Variants in ZNF141 observed in about 807,000 individuals in gnomAD.
The protein encoded by ZNF141 is zinc finger protein 141 (clone pHZ-44).
ZNF141 carries 7 observed loss-of-function variants against 11.3 expected under a neutral mutation model. That is an observed-to-expected ratio of 0.62 (90% CI 0.35 to 1.16). ZNF141 has a LOEUF of 1.16. ZNF141 is among the 50% of genes most tolerant of loss of function. ZNF141 has a pLI of 0.02. For synonymous variants in ZNF141, 183 were observed against 190.7 expected, an observed-to-expected ratio of 0.96 and a Z score of 0.33; for missense variants, 535 against 554.0, an observed-to-expected ratio of 0.97 and a Z score of 0.34.
intron 3 of ZNF141, among the ~76,000 whole-genome samples, chr4:363,952 G>A (rs530533370): frequency 6.8e-6 from 1 of 148,000 alleles, no homozygotes; most frequent in Non-Finnish European, 1.5e-5. Context: ...AGACAATCAT[G>A]TGGTTTTTGT....
chr4:366,083 C>T (rs1288458290), intron 3 of ZNF141, among the ~76,000 whole-genome samples: 2 of 152,072 alleles, frequency 1.3e-5, no homozygotes, highest in Non-Finnish European at 2.9e-5. Flanking sequence ...CAGCTTGATT[C>T]TTTTTGCCCA....
chr4:371,686 C>T (rs1560197962), intron 3 of ZNF141, among the ~76,000 whole-genome samples: 1 of 151,982 alleles, frequency 6.6e-6, no homozygotes, highest in South Asian at 2.1e-4. Flanking sequence ...ACTACAGGCA[C>T]CCATCACCAC....
chr4:344,451 G>A (rs1553849163), intron 3 of ZNF141, 21 bp downstream of exon 3: 3 of 1,595,184 alleles, frequency 1.9e-6, no homozygotes. Context: ...GTGAATGGAG[G>A]AGAGGGCACA....
chr4:359,638 G>A (rs918686423), intron 3 of ZNF141, among the ~76,000 whole-genome samples: 3 of 152,118 alleles, frequency 2.0e-5, no homozygotes, highest in Non-Finnish European at 4.4e-5. Context: ...CACAATTCAC[G>A]GTGGGAATAA....
At position 381,666 on chromosome 4, in the gene ZNF141, C is replaced by T. The variant is rs1371986604; in HGVS notation, c.*7804C>T. Among the ~76,000 whole-genome samples, 2 of 151,944 alleles carry T rather than the reference C, an allele frequency of 1.3e-5. No homozygotes were observed. Among genetic ancestry groups the T allele is most frequent in the African/African-American group, 4.8e-5 (2 of 41,336 alleles). Reference sequence around the variant, plus strand: ...CTTAAGTGATCCACCCAGTCAGCCTCCCAAAGTGCTGGGATTACAGGCGTG... The same window carrying T: ...CTTAAGTGATCCACCCAGTCAGCCTTCCAAAGTGCTGGGATTACAGGCGTG... On this transcript the variant is annotated 3_prime_UTR_variant, in exon 4 of 4. Transcript: ENST00000240499.
rs1560196731 is a variant in ZNF141 at position 369,751 on chromosome 4, TATATATATATATA to T, written c.227-2912_227-2900del. ...TTTCTTAAAGAGATATATATATATA[TATATATATATATA>T]TTTTTTTTTTTTTTTTTTTTGAGAG... is the stretch of plus-strand genomic sequence containing the variant. On this transcript the variant is annotated intron_variant, in intron 3 of 3. Coordinates refer to ENST00000240499, the MANE Select transcript of ZNF141 (RefSeq NM_003441.4). 1.9e-4 allele frequency among the ~76,000 whole-genome samples: 8 copies of T among 42,852 alleles called. 1 individual carries two copies. Among genetic ancestry groups the T allele is most frequent in the African/African-American group, 3.6e-4 (4 of 11,214 alleles). The allele number at this position is 42,852 out of a possible 152,430, so 28.1% of individuals were successfully genotyped here.
chr4:363,233 G>A (rs1711572441), intron 3 of ZNF141, among the ~76,000 whole-genome samples: 1 of 152,212 alleles, frequency 6.6e-6, no homozygotes, highest in African/African-American at 2.4e-5. Flanking sequence ...TTTGTGTCCT[G>A]AGACTTTGCT....
At chr4:344,256 C>A in intron 2 of ZNF141, 79 bp from the exon 3 acceptor site, 2 of 1,231,896 alleles carry the variant, frequency 1.6e-6, no homozygotes, top group South Asian at 1.3e-5. Flanking sequence ...TATCTCTATT[C>A]TGCTTAGCGT....
At position 380,176 on chromosome 4, in the gene ZNF141, G is replaced by A. The variant is rs575189545; in HGVS notation, c.*6314G>A. 2.0e-5 allele frequency among the ~76,000 whole-genome samples: 3 copies of A among 152,062 alleles called. No homozygotes were observed. The highest frequency in any genetic ancestry group is 4.4e-5 in the Non-Finnish European group (3 of 68,008). ...ATGAAAAGATTTCCTCCCTTTTAAC[G>A]TTGAATTGTATTTCCTTGTGTATAC... is the stretch of plus-strand genomic sequence containing the variant. On this transcript the variant is annotated 3_prime_UTR_variant, in exon 4 of 4. Transcript: ENST00000240499.
intron 3 of ZNF141, among the ~76,000 whole-genome samples, chr4:352,804 G>T (rs1721664464): frequency 6.6e-6 from 1 of 151,942 alleles, no homozygotes; most frequent in African/African-American, 2.4e-5. Flanking sequence ...CATATAAATC[G>T]TTTTTGCTAA....
chr4:366,094 G>C (rs971539048), intron 3 of ZNF141, among the ~76,000 whole-genome samples: 4 of 152,110 alleles, frequency 2.6e-5, no homozygotes, highest in Non-Finnish European at 4.4e-5. Flanking sequence ...TTTTTGCCCA[G>C]GATTACCTTT....
intron 1 of ZNF141, among the ~76,000 whole-genome samples, chr4:339,312 G>A (rs1226430349): frequency 6.6e-6 from 1 of 152,220 alleles, no homozygotes; most frequent in Non-Finnish European, 1.5e-5. Flanking sequence ...TATGGGCTCA[G>A]GAATCAGTTA....
chr4:367,383 A>G (rs1020723308), intron 3 of ZNF141, among the ~76,000 whole-genome samples: 2 of 152,060 alleles, frequency 1.3e-5, no homozygotes, highest in Non-Finnish European at 2.9e-5. Context: ...TTTACTTTCT[A>G]TTTATTTGTA....
intron 3 of ZNF141, among the ~76,000 whole-genome samples, chr4:367,619 C>A (rs782181024): frequency 2.0e-5 from 3 of 150,896 alleles, no homozygotes; most frequent in South Asian, 2.1e-4. Context: ...CAGGTTCAAG[C>A]GATTCTTCTG....
intron 3 of ZNF141, among the ~76,000 whole-genome samples, chr4:359,846 G>A (rs1329483584): frequency 6.6e-6 from 1 of 152,174 alleles, no homozygotes; most frequent in Non-Finnish European, 1.5e-5. Flanking sequence ...GGGTCCCTGT[G>A]TGAGTAGGAT....
At position 374,099 on chromosome 4, in the gene ZNF141, GA is replaced by G; in HGVS notation, c.*241del. ...GGTCCACAAACCTGAATGAGCAGAA[GA>G]AAATTATTACTGGAGATAAACCCTG... is the stretch of plus-strand genomic sequence containing the variant. On this transcript the variant is annotated 3_prime_UTR_variant, in exon 4 of 4. Coordinates refer to ENST00000240499, the MANE Select transcript of ZNF141 (RefSeq NM_003441.4). The G allele has an allele frequency of 1.9e-6, 1 of 537,560 alleles. No individual in the cohort carries two copies. Among genetic ancestry groups the G allele is most frequent in the Non-Finnish European group, 3.3e-6 (1 of 302,384 alleles). 33.3% of individuals were successfully genotyped at this position (537,560 alleles called of 1,614,324 possible). A position where few individuals can be genotyped will look rare whatever the true frequency, so the allele number is the denominator to read the frequency against.
intron 3 of ZNF141, among the ~76,000 whole-genome samples, chr4:347,469 A>G (rs1245755327): frequency 6.6e-6 from 1 of 151,042 alleles, no homozygotes; most frequent in African/African-American, 2.4e-5. Flanking sequence ...CCTCCCGAGT[A>G]GCTGGGACTA....
At position 383,163 on chromosome 4, in the gene ZNF141, A is replaced by G; in HGVS notation, c.*9301A>G. 1.4e-6 allele frequency: 1 copy of G among 702,054 alleles called. No homozygotes were observed. Among genetic ancestry groups the G allele is most frequent in the Non-Finnish European group, 2.6e-6 (1 of 384,680 alleles). 43.5% of individuals were successfully genotyped at this position (702,054 alleles called of 1,614,324 possible). The stretch of plus-strand genomic sequence containing the variant: ...GAGAATAGCATCTGAGAAAAGCCAA[A>G]GTGCCTCAGTTTACAGACAGCTCAC... On this transcript the variant is annotated 3_prime_UTR_variant, in exon 4 of 4. Transcript: ENST00000240499.
chr4:373,435 A>G lies in ZNF141; in HGVS notation c.998A>G (p.His333Arg). Reference protein sequence around the residue: ...STTLTKHKRIHTGEKPYTCEE... With the variant: ...STTLTKHKRIRTGEKPYTCEE... Reference sequence around the variant, plus strand: ...ACCCTTACTAAACATAAGAGAATTCATACTGGAGAGAAACCCTACACATGT... The same window carrying G: ...ACCCTTACTAAACATAAGAGAATTCGTACTGGAGAGAAACCCTACACATGT... The change falls in exon 4 of 4, where the codon CAT (histidine) becomes CGT (arginine). Residue 333 changes from histidine (H) to arginine (R), a missense_variant. His to Arg is a conservative substitution (Grantham distance 29). Coordinates refer to ENST00000240499, the MANE Select transcript of ZNF141 (RefSeq NM_003441.4). The G allele has an allele frequency of 6.2e-7, 1 of 1,614,182 alleles. No homozygotes were observed. The highest frequency in any genetic ancestry group is 8.5e-7 in the Non-Finnish European group (1 of 1,180,034).
Sources: gnomAD v4.1 joint callset for allele counts (sites outside exome capture counted in the v4.1 genomes callset) on GRCh38, gnomAD v4.1.1 for gene constraint, MANE v1.5 for transcripts, NCBI Gene and HGNC (gene_info 2026-07-23, HGNC 2026-07-21) for gene names.